The following PTPRG variants were observed in gnomAD, a reference collection of about 807,000 sequenced individuals.
The protein encoded by PTPRG is protein tyrosine phosphatase receptor type G.
PTPRG carries 102 observed loss-of-function variants against 165.3 expected under a neutral mutation model. The ratio of observed to expected loss-of-function variants is 0.62; its 90% CI spans 0.53 to 0.73. The LOEUF (loss-of-function observed/expected upper bound fraction) is 0.73, where lower values mean the gene tolerates loss of function less well. Among genes scored for constraint, PTPRG ranks in the 30% least tolerant of loss-of-function variants. PTPRG has a pLI of 0.00. For missense variants in PTPRG, 1,866 were observed against 1,861.4 expected (o/e 1.00, Z -0.05); for synonymous variants, 675 against 669.5 (o/e 1.01, Z -0.13).
intron 2 of PTPRG, among the ~76,000 whole-genome samples, chr3:61,935,058 C>G (rs1375584095): frequency 6.6e-6 from 1 of 152,134 alleles, no homozygotes; most frequent in Non-Finnish European, 1.5e-5. Flanking sequence ...CAGACATCCT[C>G]CTCTCCTTCC....
chr3:62,288,501 C>G (rs1420653664), intron 28 of PTPRG, among the ~76,000 whole-genome samples: 1 of 151,884 alleles, frequency 6.6e-6, no homozygotes, highest in African/African-American at 2.4e-5. Context: ...GGCGAAACCC[C>G]GTCTCTACTA....
At position 62,266,582 on chromosome 3, in the gene PTPRG, G is replaced by A. The variant is rs535864059; in HGVS notation, c.2657-828G>A. On this transcript the variant is annotated intron_variant, in intron 17 of 29. Coordinates refer to ENST00000474889, the MANE Select transcript of PTPRG (RefSeq NM_002841.4). ...GTCAGAACAACAAAAACAGTTCACA[G>A]TTCCAAAAACATAGAGGGCTCTCAA... 3.3e-4 allele frequency among the ~76,000 whole-genome samples: 50 copies of A among 151,962 alleles called. 1 individual carries two copies. The South Asian group carries it at 9.6e-3, about 29-fold the overall frequency.
At chr3:62,266,458 A>C (rs991010207) in intron 17 of PTPRG, among the ~76,000 whole-genome samples, 1 of 152,180 alleles carries the variant, frequency 6.6e-6, no homozygotes, top group Non-Finnish European at 1.5e-5. Flanking sequence ...CTACTAAGGC[A>C]TAACGGTTTG....
chr3:61,607,660 A>C (rs1000383483), intron 1 of PTPRG, among the ~76,000 whole-genome samples: 10 of 152,288 alleles, frequency 6.6e-5, no homozygotes, highest in African/African-American at 2.4e-4. Context: ...GCTTCTCTTT[A>C]GAAGTGACAT....
Position 61,614,837 on chromosome 3 carries a change from G to C in PTPRG, c.85+52465G>C, listed in dbSNP as rs576990509. On this transcript the variant is annotated intron_variant, in intron 1 of 29. Transcript: ENST00000474889. ...ACTGTATAGATTGTGGCACAGTTTT[G>C]TTATAAAATTAGCATCCTCATTATT... 3.3e-4 allele frequency among the ~76,000 whole-genome samples: 50 copies of C among 152,274 alleles called. No homozygotes were observed. The South Asian group carries it at 0.01, about 32-fold the overall frequency.
intron 3 of PTPRG, among the ~76,000 whole-genome samples, chr3:61,995,682 GCCTTCCTTCCTTCCTTCCTTCCTT>G (rs781558844): frequency 2.1e-3 from 151 of 72,802 alleles, no homozygotes; most frequent in East Asian, 2.9e-3. Context: ...CTGCCCGCCC[GCCTTCCTTCCTTCCTTCCTTCCTT>G]CCTTCCTTCC....
At position 62,240,723 on chromosome 3, in the gene PTPRG, C is replaced by T. The variant is rs759614420; in HGVS notation, c.2376-3084C>T. On this transcript the variant is annotated intron_variant, in intron 14 of 29. Transcript: ENST00000474889. This position sits in a 1 kb window ranked among gnomAD's most constrained non-coding sequence, Gnocchi z 5.1. ...CTCCCTCTGCTCTAAGGCTCTTCAA[C>T]TAGCTGCTTGACCTGCCTAAAATGG... Among the ~76,000 whole-genome samples, 4 of 152,216 alleles carry T rather than the reference C, an allele frequency of 2.6e-5. No individual in the cohort carries two copies. The highest frequency in any genetic ancestry group is 4.4e-5 in the Non-Finnish European group (3 of 68,046).
At chr3:61,777,886 T>A (rs2034432205) in intron 2 of PTPRG, among the ~76,000 whole-genome samples, 1 of 152,224 alleles carries the variant, frequency 6.6e-6, no homozygotes, top group Non-Finnish European at 1.5e-5. Flanking sequence ...CCTATTACTT[T>A]GTCCATTTAT....
intron 6 of PTPRG, among the ~76,000 whole-genome samples, chr3:62,134,276 A>T (rs1703625872): frequency 6.6e-6 from 1 of 152,146 alleles, no homozygotes; most frequent in South Asian, 2.1e-4. Flanking sequence ...TGCAAAATAC[A>T]CTGACCTACA....
chr3:61,917,515 A>G (rs1002892816), intron 2 of PTPRG, among the ~76,000 whole-genome samples: 1 of 152,188 alleles, frequency 6.6e-6, no homozygotes, highest in Non-Finnish European at 1.5e-5. Flanking sequence ...TACCTCTCAC[A>G]CAGGCGTTAT....
Position 62,208,109 on chromosome 3 carries a change from G to A in PTPRG, c.2155+4159G>A, listed in dbSNP as rs183007003. On this transcript the variant is annotated intron_variant, in intron 12 of 29. Transcript: ENST00000474889. ...GAACCGCGGGTGGTCAACCTCTACT[G>A]TAGTGTTGATTGCTAGAGTTGCAAC... is the stretch of plus-strand genomic sequence containing the variant. Among the ~76,000 whole-genome samples, 263 of 152,318 alleles carry A rather than the reference G, an allele frequency of 1.7e-3. 1 individual carries two copies. The highest frequency in any genetic ancestry group is 2.0e-3 in the Admixed American group (30 of 15,310).
At chr3:61,920,447 G>T (rs1030529439) in intron 2 of PTPRG, among the ~76,000 whole-genome samples, 1 of 152,172 alleles carries the variant, frequency 6.6e-6, no homozygotes, top group African/African-American at 2.4e-5. Flanking sequence ...CCAGGCTGGA[G>T]TGCAGTGGCA....
At chr3:62,020,658 C>T (rs2041667744) in intron 4 of PTPRG, among the ~76,000 whole-genome samples, 1 of 152,004 alleles carries the variant, frequency 6.6e-6, no homozygotes, top group South Asian at 2.1e-4. Flanking sequence ...GAGGGCAGCA[C>T]CCAGGCCAGC....
intron 2 of PTPRG, among the ~76,000 whole-genome samples, chr3:61,780,850 C>A (rs1295021886): frequency 6.6e-6 from 1 of 152,182 alleles, no homozygotes; most frequent in East Asian, 1.9e-4. Flanking sequence ...AAAATGTGTG[C>A]CTATGTCCAT....
intron 1 of PTPRG, among the ~76,000 whole-genome samples, chr3:61,625,827 T>C (rs1471606584): frequency 1.3e-5 from 2 of 152,172 alleles, no homozygotes; most frequent in African/African-American, 4.8e-5. Context: ...TGTATAAAAA[T>C]TTAAAAATGT....
chr3:61,838,386 C>G (rs1307196505), intron 2 of PTPRG, among the ~76,000 whole-genome samples: 1 of 152,132 alleles, frequency 6.6e-6, no homozygotes, highest in Non-Finnish European at 1.5e-5. Context: ...TTTGAAAGGT[C>G]CCTTTTGGAT....
chr3:61,577,232 C>T (rs912116708), intron 1 of PTPRG, among the ~76,000 whole-genome samples: 3 of 152,200 alleles, frequency 2.0e-5, no homozygotes, highest in Non-Finnish European at 4.4e-5. Flanking sequence ...ATTTGCAAAG[C>T]TGACATCAGA....
chr3:62,200,071 G>A (rs1334285008), intron 10 of PTPRG, among the ~76,000 whole-genome samples: 4 of 152,118 alleles, frequency 2.6e-5, no homozygotes, highest in South Asian at 2.1e-4. Flanking sequence ...AGAAAGTACC[G>A]TGATGGTTGC....
At chr3:62,189,605 C>T (rs746643640) in intron 8 of PTPRG, among the ~76,000 whole-genome samples, 17 of 152,182 alleles carry the variant, frequency 1.1e-4, no homozygotes, top group Non-Finnish European at 2.4e-4. Context: ...CAGGCCTCTG[C>T]GTTTTACCTC....
Sources: gnomAD v4.1 joint callset for allele counts (sites outside exome capture counted in the v4.1 genomes callset) on GRCh38, gnomAD v4.1.1 for gene constraint, Gnocchi (gnomAD v3.1) non-coding constraint, MANE v1.5 for transcripts, NCBI Gene and HGNC (gene_info 2026-07-23, HGNC 2026-07-21) for gene names.